STK4: variants seen among roughly 807,000 people sequenced by gnomAD.
The protein encoded by STK4 is serine/threonine-protein kinase 4.
Under a neutral mutation model 64.9 loss-of-function variants are expected in STK4, and 30 were observed. The observed-to-expected ratio is 0.46, with a 90% CI of 0.35 to 0.63. The LOEUF is 0.63. STK4 is among the 20% of genes least tolerant of loss of function. The pLI is 0.01. For missense variants in STK4, 466 were observed against 598.5 expected (o/e 0.78, Z 2.31); for synonymous variants, 177 against 199.0 (o/e 0.89, Z 0.93).
At chr20:44,994,789 T>C (rs2067696460) in intron 5 of STK4, among the ~76,000 whole-genome samples, 1 of 152,168 alleles carries the variant, frequency 6.6e-6, no homozygotes, top group Non-Finnish European at 1.5e-5. Flanking sequence ...TTTTCTATGC[T>C]ATTATCAGCA....
chr20:44,991,433 G>A (rs992318006), intron 5 of STK4, among the ~76,000 whole-genome samples: 1 of 152,188 alleles, frequency 6.6e-6, no homozygotes, highest in Non-Finnish European at 1.5e-5. Context: ...TGCTTTTGAT[G>A]CATAGTGCTG....
At position 44,987,838 on chromosome 20, in the gene STK4, A is replaced by G. The variant is rs568124225; in HGVS notation, c.525+542A>G. Among the ~76,000 whole-genome samples the G allele has an allele frequency of 7.9e-5, 12 of 152,264 alleles. No homozygotes were observed. The South Asian group carries it at 2.3e-3, about 29-fold the overall frequency. Reference sequence around the variant, plus strand: ...TCTACATAAGTATATATGAAAGTATATATAGAAAAATAGAAATAGTTTTAG... The same window carrying G: ...TCTACATAAGTATATATGAAAGTATGTATAGAAAAATAGAAATAGTTTTAG... On this transcript the variant is annotated intron_variant, in intron 5 of 10. Transcript: ENST00000372806.
chr20:45,043,954 G>C (rs2068653664), intron 10 of STK4, among the ~76,000 whole-genome samples: 1 of 152,012 alleles, frequency 6.6e-6, no homozygotes, highest in African/African-American at 2.4e-5. Context: ...TATAAAATCA[G>C]AGATACATTC....
intron 10 of STK4, among the ~76,000 whole-genome samples, chr20:45,054,589 A>G (rs1223437736): frequency 1.3e-5 from 2 of 150,880 alleles, no homozygotes; most frequent in African/African-American, 2.4e-5. Flanking sequence ...AAAAAAAAAA[A>G]AAAAGGAAAA....
chr20:45,071,520 A>G (rs544864755), intron 10 of STK4, among the ~76,000 whole-genome samples: 3 of 152,256 alleles, frequency 2.0e-5, no homozygotes, highest in Admixed American at 1.3e-4. Flanking sequence ...AGTTCTTAGG[A>G]CAGCCATAAA....
At chr20:44,998,672 G>T (rs2299973) in intron 7 of STK4, among the ~76,000 whole-genome samples, 6,176 of 152,228 alleles carry the variant, frequency 0.041, 382 homozygotes, top group East Asian at 0.25. Context: ...GAAATAATAT[G>T]GCTTTCAACG....
intron 10 of STK4, among the ~76,000 whole-genome samples, chr20:45,065,554 A>G (rs190918218): frequency 6.6e-6 from 1 of 152,274 alleles, no homozygotes; most frequent in Non-Finnish European, 1.5e-5. Flanking sequence ...TAGTTTCAGT[A>G]GGATTGGTAC....
At chr20:45,053,022 T>C (rs1374791598) in intron 10 of STK4, 5 of 1,272,324 alleles carry the variant, frequency 3.9e-6, no homozygotes, top group Non-Finnish European at 5.7e-6. Context: ...TGGTTTAAAG[T>C]ATGTTGAGAC....
At chr20:45,042,685 TATTAC>T (rs2068632217) in intron 10 of STK4, among the ~76,000 whole-genome samples, 1 of 152,172 alleles carries the variant, frequency 6.6e-6, no homozygotes, top group Non-Finnish European at 1.5e-5. Context: ...TTGATGCTGA[TATTAC>T]TGAGATTTCT....
chr20:45,007,822 A>G (rs1406131422), intron 9 of STK4: 2 of 419,732 alleles, frequency 4.8e-6, no homozygotes, highest in African/African-American at 4.2e-5. Flanking sequence ...TTGATGCATA[A>G]ATATATTATA....
intron 9 of STK4, among the ~76,000 whole-genome samples, chr20:45,001,756 C>G (rs1354767183): frequency 1.3e-5 from 2 of 152,190 alleles, no homozygotes; most frequent in Non-Finnish European, 2.9e-5. Context: ...CAGTTTGGGT[C>G]TAACCCAAGT....
chr20:44,988,140 A>G (rs1056622627), intron 5 of STK4, among the ~76,000 whole-genome samples: 1 of 152,164 alleles, frequency 6.6e-6, no homozygotes, highest in East Asian at 1.9e-4. Context: ...AAAAGTAAAC[A>G]GTACCAGACA....
intron 10 of STK4, among the ~76,000 whole-genome samples, chr20:45,045,695 C>T (rs1390916234): frequency 6.6e-6 from 1 of 151,990 alleles, no homozygotes; most frequent in Non-Finnish European, 1.5e-5. Flanking sequence ...GCAAACAATT[C>T]TTATTGGAGC....
At chr20:45,065,353 G>C (rs1979471505) in intron 10 of STK4, among the ~76,000 whole-genome samples, 1 of 152,110 alleles carries the variant, frequency 6.6e-6, no homozygotes, top group African/African-American at 2.4e-5. Flanking sequence ...CGATTTGCTA[G>C]TATTTTGTTG....
At chr20:45,051,801 A>C (rs923256747) in intron 10 of STK4, among the ~76,000 whole-genome samples, 27 of 152,306 alleles carry the variant, frequency 1.8e-4, no homozygotes, top group African/African-American at 6.0e-4. Flanking sequence ...AGATTATGCC[A>C]TTGTGGTTGA....
At chr20:45,030,322 T>A (rs1734573667) in intron 10 of STK4, among the ~76,000 whole-genome samples, 1 of 152,080 alleles carries the variant, frequency 6.6e-6, no homozygotes, top group Non-Finnish European at 1.5e-5. Context: ...GCCAGGCTGA[T>A]CTTGAACACC....
chr20:45,062,549 G>A (rs991788801), intron 10 of STK4, among the ~76,000 whole-genome samples: 4 of 152,226 alleles, frequency 2.6e-5, no homozygotes, highest in African/African-American at 9.6e-5. Flanking sequence ...CACCAGCAGT[G>A]TGTAAGCATT....
Position 44,987,133 on chromosome 20 carries a change from TAACAGA to T in STK4, c.364_369del (p.Thr122_Glu123del). 1 of 1,584,284 alleles carries T rather than the reference TAACAGA, an allele frequency of 6.3e-7. No individual in the cohort carries two copies. The highest frequency in any genetic ancestry group is 8.6e-7 in the Non-Finnish European group (1 of 1,166,480). On this transcript the variant is annotated inframe_deletion and splice_region_variant, in exon 5 of 11. Transcript: ENST00000372806. ...TTGAACTTCTTATTCTTTTTTCAGTTAACAGAAGATGAAATAGCTACAATATTACAA... is the reference window on the plus strand; with the variant it reads ...TTGAACTTCTTATTCTTTTTTCAGTTAGATGAAATAGCTACAATATTACAA...
chr20:44,988,533 G>GTGTGTGTGTGTATATA (rs1221720136), intron 5 of STK4, among the ~76,000 whole-genome samples: 42 of 101,578 alleles, frequency 4.1e-4, no homozygotes, highest in African/African-American at 1.8e-3. Flanking sequence ...ATGTGTGTGT[G>GTGTGTGTGTGTATATA]TATATATATA....
Sources: allele counts gnomAD v4.1 joint callset (sites outside exome capture counted in the v4.1 genomes callset), GRCh38; gene constraint gnomAD v4.1.1; transcripts MANE v1.5; gene names NCBI Gene and HGNC (gene_info 2026-07-23, HGNC 2026-07-21).